POLI: variants seen among roughly 807,000 people sequenced by gnomAD.
POLI encodes the protein DNA polymerase iota.
A neutral mutation model predicts 51.6 loss-of-function variants in POLI; 58 were observed. The ratio of observed to expected loss-of-function variants is 1.12; its 90% CI spans 0.91 to 1.40. The LOEUF (loss-of-function observed/expected upper bound fraction) is 1.40, where lower values mean the gene tolerates loss of function less well. Among genes scored for constraint, POLI ranks in the 40% most tolerant of loss-of-function variants. The pLI is 0.00. For synonymous variants in POLI, 322 were observed against 299.7 expected (o/e 1.07, Z -0.77); for missense variants, 921 against 871.3 (o/e 1.06, Z -0.72).
At chr18:54,302,968 TCTC>T (rs1336321352), downstream of POLI, among the ~76,000 whole-genome samples, 4 of 152,132 alleles carry the variant, frequency 2.6e-5, no homozygotes, top group African/African-American at 9.7e-5. Context: ...TTCACCCACT[TCTC>T]CTTACCAAGT....
Position 54,277,852 on chromosome 18 carries a change from C to A in POLI, c.556C>A (p.Gln186Lys). Residue 186 changes from glutamine to lysine, a missense_variant, in exon 4 of 10, where the codon CAG becomes AAG. By Grantham distance (53) the Gln-to-Lys change is moderately conservative. Coordinates refer to ENST00000579534, the MANE Select transcript of POLI (RefSeq NM_007195.3). ...VTVSGHVYNNQSINLLDVLHI... is the reference protein window; with the variant it reads ...VTVSGHVYNNKSINLLDVLHI... ...TGTGTCGGGTCATGTATACAATAATCAGTGTGAGTGGGTTCTTATTCATTC... is the reference window on the plus strand; with the variant it reads ...TGTGTCGGGTCATGTATACAATAATAAGTGTGAGTGGGTTCTTATTCATTC... 1 of 1,608,920 alleles carries A rather than the reference C, an allele frequency of 6.2e-7. No individual in the cohort carries two copies. Among genetic ancestry groups the A allele is most frequent in the Non-Finnish European group, 8.5e-7 (1 of 1,176,784 alleles).
chr18:54,308,534 T>G (rs183841335), intron 3 of POLI, among the ~76,000 whole-genome samples: 101 of 152,296 alleles, frequency 6.6e-4, no homozygotes, highest in African/African-American at 2.4e-3. Context: ...TCATTTAAAC[T>G]TTGGTGAATC....
At position 54,277,743 on chromosome 18, in the gene POLI, A is replaced by C. The variant is rs1477373310; in HGVS notation, c.447A>C (p.Gly149=). 2.5e-6 allele frequency: 4 copies of C among 1,608,748 alleles called. No individual in the cohort carries two copies. In the South Asian group the frequency reaches 4.4e-5, roughly 18 times the overall value. ...TTAGTCCAGTTGTTGAGAGACTTGGATTTGATGAAAATTTTGTGGATCTAA... is the reference window on the plus strand; with the variant it reads ...TTAGTCCAGTTGTTGAGAGACTTGGCTTTGATGAAAATTTTGTGGATCTAA... ...EEFSPVVERL[G]FDENFVDLTE... The change falls in exon 4 of 10, where the codon GGA becomes GGC. Residue 149 remains glycine, a synonymous_variant. Transcript: ENST00000579534.
rs2088395816 is a variant in POLI at position 54,297,529 on chromosome 18, A to G, written c.*3062A>G. On this transcript the variant is annotated 3_prime_UTR_variant, in exon 10 of 10. Coordinates refer to ENST00000579534, the MANE Select transcript of POLI (RefSeq NM_007195.3). ...ATTCCACTGTAGTGCCAAAGTACAA[A>G]TTTATTTGGATTTATTTTTTGCCAT... 1 of 978,846 alleles carries G rather than the reference A, an allele frequency of 1.0e-6. No individual in the cohort carries two copies. Among genetic ancestry groups the G allele is most frequent in the Non-Finnish European group, 1.2e-6 (1 of 824,148 alleles). 60.6% of individuals were successfully genotyped at this position (978,846 alleles called of 1,614,324 possible).
chr18:54,277,649 T>A, intron 3 of POLI, 54 bp from the exon 4 acceptor site: 1 of 1,167,178 alleles, frequency 8.6e-7, no homozygotes, highest in Non-Finnish European at 1.2e-6. Flanking sequence ...ATAGTTAAAT[T>A]TATCCTAGTT....
At chr18:54,286,268 G>A (rs1280975781) in intron 7 of POLI, among the ~76,000 whole-genome samples, 1 of 152,148 alleles carries the variant, frequency 6.6e-6, no homozygotes, top group East Asian at 1.9e-4. Flanking sequence ...ATTGCCATGT[G>A]TATAAAAAGG....
chr18:54,293,628 T>A, intron 9 of POLI, 21 bp from the exon 10 acceptor site: 1 of 1,477,524 alleles, frequency 6.8e-7, no homozygotes, highest in Non-Finnish European at 9.1e-7. Flanking sequence ...TGTAAATTAG[T>A]CTGTTATTCT....
At position 54,294,367 on chromosome 18, in the gene POLI, T is replaced by C. The variant is rs1159204403; in HGVS notation, c.2123T>C (p.Ile708Thr). 6 of 1,613,610 alleles carry C rather than the reference T, an allele frequency of 3.7e-6. No individual in the cohort carries two copies. In the East Asian group the frequency reaches 6.7e-5, roughly 18 times the overall value. Residue 708 changes from isoleucine to threonine, a missense_variant, in exon 10 of 10, where the codon ATT becomes ACT. Transcript: ENST00000579534. ...GAGAAAATTACTTTCCCTTCTGACA[T>C]TGATCCTCAAGTTTTCTATGAACTA... ...VDEKITFPSDIDPQVFYELPE... is the reference protein window; with the variant it reads ...VDEKITFPSDTDPQVFYELPE...
chr18:54,286,157 C>T (rs1202950495), intron 7 of POLI, among the ~76,000 whole-genome samples: 3 of 152,158 alleles, frequency 2.0e-5, no homozygotes. Context: ...AGGCACCGTG[C>T]CTGGCCCAGA....
chr18:54,279,868 T>A (rs553200680), intron 4 of POLI, among the ~76,000 whole-genome samples: 147 of 152,340 alleles, frequency 9.6e-4, no homozygotes, highest in African/African-American at 3.4e-3. Context: ...AAGATTTAGA[T>A]CTTTAAAGTA....
rs1292039002 is a variant in POLI, at chr18:54,295,087, G to A, written c.*620G>A. ...TGAATGGTTTGGCTAGGGCCAGGGT[G>A]GGGAGTTAAAGTGAGAGGAGGGTAT... On this transcript the variant is annotated 3_prime_UTR_variant, in exon 10 of 10. Coordinates refer to ENST00000579534, the MANE Select transcript of POLI (RefSeq NM_007195.3). The A allele has an allele frequency of 1.0e-6, 1 of 985,332 alleles. No homozygotes were observed. Among genetic ancestry groups the A allele is most frequent in the Non-Finnish European group, 1.2e-6 (1 of 829,974 alleles). The allele number at this position is 985,332 out of a possible 1,614,324, so 61.0% of individuals were successfully genotyped here.
chr18:54,271,638 A>C (rs1405222182), intron 2 of POLI, among the ~76,000 whole-genome samples, 153 bp downstream of exon 2: 1 of 152,228 alleles, frequency 6.6e-6, no homozygotes, highest in African/African-American at 2.4e-5. Context: ...TTCACTACCA[A>C]GTGTAAATTT....
chr18:54,306,728 A>G (rs2088592478), intron 3 of POLI, among the ~76,000 whole-genome samples: 1 of 152,172 alleles, frequency 6.6e-6, no homozygotes, highest in Non-Finnish European at 1.5e-5. Context: ...TTGGTAGGCT[A>G]TTAATTGTTG....
At chr18:54,313,439 C>CT (rs979430828) in intron 3 of POLI, among the ~76,000 whole-genome samples, 96 of 151,642 alleles carry the variant, frequency 6.3e-4, no homozygotes, top group African/African-American at 1.2e-3. Flanking sequence ...GCTATTTGGG[C>CT]TTTTTTTTGG....
Position 54,297,822 on chromosome 18 carries a change from A to G in POLI, c.*3355A>G, listed in dbSNP as rs2088407910. ...TTAAATCTCCAAATTGGATATTATT[A>G]GTATTTTATATAGTCAATGTTTATT... On this transcript the variant is annotated 3_prime_UTR_variant, in exon 10 of 10. Coordinates refer to ENST00000579534, the MANE Select transcript of POLI (RefSeq NM_007195.3). 1 of 963,536 alleles carries G rather than the reference A, an allele frequency of 1.0e-6. No individual in the cohort carries two copies. The highest frequency in any genetic ancestry group is 1.8e-5 in the African/African-American group (1 of 56,882). 59.7% of individuals were successfully genotyped at this position (963,536 alleles called of 1,614,324 possible). A position where few individuals can be genotyped will look rare whatever the true frequency, so the allele number is the denominator to read the frequency against.
intron 4 of POLI, 131 bp from the exon 5 acceptor site, chr18:54,280,536 G>C: frequency 1.6e-6 from 1 of 637,464 alleles, no homozygotes; most frequent in Non-Finnish European, 2.8e-6. Context: ...ACCATACCAG[G>C]TGATGATGGT....
chr18:54,269,579 AGGC>A lies in POLI; in HGVS notation c.41_43del (p.Gly14del), dbSNP rs1458852302. ...AGCTGGGGGTGGAGCCGGAGGAGGA[AGGC>A]GGCGGCGACGACGACGAGGAAGACG... is the stretch of plus-strand genomic sequence containing the variant. On this transcript the variant is annotated inframe_deletion, in exon 1 of 10. Coordinates refer to ENST00000579534, the MANE Select transcript of POLI (RefSeq NM_007195.3). 2 of 1,422,014 alleles carry A rather than the reference AGGC, an allele frequency of 1.4e-6. No individual in the cohort carries two copies. The highest frequency in any genetic ancestry group is 1.8e-6 in the Non-Finnish European group (2 of 1,100,960). The allele number at this position is 1,422,014 out of a possible 1,614,324, so 88.1% of individuals were successfully genotyped here. A position where few individuals can be genotyped will look rare whatever the true frequency, so the allele number is the denominator to read the frequency against.
chr18:54,307,800 A>G (rs910279217), intron 3 of POLI, among the ~76,000 whole-genome samples: 1 of 151,988 alleles, frequency 6.6e-6, no homozygotes, highest in Non-Finnish European at 1.5e-5. Context: ...TAGGATAGTT[A>G]GCTCTTCTTG....
At chr18:54,278,749 A>ATTAGGC (rs912277612) in intron 4 of POLI, among the ~76,000 whole-genome samples, 22 of 152,234 alleles carry the variant, frequency 1.4e-4, no homozygotes, top group African/African-American at 5.3e-4. Flanking sequence ...TGAATATCTG[A>ATTAGGC]TTAGGCTTTC....
Sources: allele counts gnomAD v4.1 joint callset (sites outside exome capture counted in the v4.1 genomes callset), GRCh38; gene constraint gnomAD v4.1.1; transcripts MANE v1.5; gene names NCBI Gene and HGNC (gene_info 2026-07-23, HGNC 2026-07-21).